WWOX: variants seen among roughly 807,000 people sequenced by gnomAD.
WWOX encodes the protein WW domain containing oxidoreductase.
Under a neutral mutation model 46.2 loss-of-function variants are expected in WWOX, and 69 were observed. The observed-to-expected ratio is 1.49, with a 90% confidence interval of 1.23 to 1.82. The LOEUF is 1.82. WWOX is among the 40% of genes most tolerant of loss of function. The probability of loss-of-function intolerance (pLI) is 0.00; values close to 1 mark genes in which losing one functional copy is unlikely to be tolerated. For missense variants in WWOX, 919 were observed against 542.6 expected (o/e 1.69, Z -6.89); for synonymous variants, 359 against 202.6 (o/e 1.77, Z -6.56).
chr16:78,436,045 G>A (rs1473553739), intron 8 of WWOX, among the ~76,000 whole-genome samples: 2 of 152,150 alleles, frequency 1.3e-5, no homozygotes, highest in African/African-American at 2.4e-5. Flanking sequence ...AACACCACGT[G>A]TGCCAAGTGG....
chr16:78,819,655 A>C (rs1465080354), intron 8 of WWOX, among the ~76,000 whole-genome samples: 1 of 152,174 alleles, frequency 6.6e-6, no homozygotes, highest in Non-Finnish European at 1.5e-5. Flanking sequence ...AAAGTTGCTA[A>C]CACCACCACC....
intron 8 of WWOX, among the ~76,000 whole-genome samples, chr16:78,943,467 A>C (rs1238415301): frequency 2.0e-5 from 3 of 152,198 alleles, no homozygotes; most frequent in Admixed American, 6.5e-5. Context: ...GGACCCAGGC[A>C]CATAAACTTG....
At chr16:78,853,847 C>T (rs934625410) in intron 8 of WWOX, among the ~76,000 whole-genome samples, 3 of 152,118 alleles carry the variant, frequency 2.0e-5, no homozygotes, top group Non-Finnish European at 4.4e-5. Flanking sequence ...AGCAATAGAT[C>T]TTCAGGTAAA....
At chr16:78,494,847 A>T (rs1480279488) in intron 8 of WWOX, among the ~76,000 whole-genome samples, 1 of 152,192 alleles carries the variant, frequency 6.6e-6, no homozygotes, top group African/African-American at 2.4e-5. Context: ...TCAATTGAGT[A>T]AGAGGCTGAT....
chr16:78,666,473 A>G (rs1224931961), intron 8 of WWOX, among the ~76,000 whole-genome samples: 1 of 152,158 alleles, frequency 6.6e-6, no homozygotes, highest in African/African-American at 2.4e-5. Flanking sequence ...CAAAGTTTGA[A>G]TATTGTAATT....
At chr16:79,032,547 C>A (rs1006218415) in intron 8 of WWOX, among the ~76,000 whole-genome samples, 37 of 147,782 alleles carry the variant, frequency 2.5e-4, no homozygotes, top group Non-Finnish European at 4.5e-4. Flanking sequence ...ATATATTATA[C>A]ATGTAATATA....
Position 78,919,387 on chromosome 16 carries a change from T to C in WWOX, c.1057-292221T>C, listed in dbSNP as rs529179304. Among the ~76,000 whole-genome samples, 82 of 152,212 alleles carry C rather than the reference T, an allele frequency of 5.4e-4. No homozygotes were observed. The South Asian group carries it at 0.014, about 26-fold the overall frequency. The stretch of plus-strand genomic sequence containing the variant: ...CAGGCAGTTGAGTCTAGAATTGTCT[T>C]TGTGTATTTTGCTCCATGGTCTAGC... On this transcript the variant is annotated intron_variant, in intron 8 of 8. Coordinates refer to ENST00000566780, the MANE Select transcript of WWOX (RefSeq NM_016373.4).
chr16:78,416,223 A>G (rs959553682), intron 6 of WWOX, among the ~76,000 whole-genome samples: 11 of 152,236 alleles, frequency 7.2e-5, no homozygotes, highest in African/African-American at 2.7e-4. Flanking sequence ...CATAGTCTGT[A>G]AATATTCATC....
chr16:78,181,392 A>C (rs1278162275), intron 5 of WWOX, among the ~76,000 whole-genome samples: 1 of 152,220 alleles, frequency 6.6e-6, no homozygotes, highest in African/African-American at 2.4e-5. Flanking sequence ...ATCAGAAAGA[A>C]ATTGTCTAAC....
intron 8 of WWOX, among the ~76,000 whole-genome samples, chr16:78,775,369 G>A (rs1241691904): frequency 1.3e-5 from 2 of 152,040 alleles, no homozygotes; most frequent in Non-Finnish European, 2.9e-5. Context: ...GTAGTTTTTG[G>A]GCAACTTTTC....
chr16:78,635,341 T>G (rs896082239), intron 8 of WWOX, among the ~76,000 whole-genome samples: 21 of 152,120 alleles, frequency 1.4e-4, no homozygotes, highest in African/African-American at 4.8e-4. Flanking sequence ...CAGGTGGACT[T>G]GGATCTAGGC....
At chr16:78,322,785 T>A (rs2080515350) in intron 5 of WWOX, among the ~76,000 whole-genome samples, 1 of 152,224 alleles carries the variant, frequency 6.6e-6, no homozygotes. Context: ...TTCCACTTTG[T>A]CACCACAGCA....
intron 8 of WWOX, among the ~76,000 whole-genome samples, chr16:79,147,735 C>A (rs2050207198): frequency 6.6e-6 from 1 of 152,130 alleles, no homozygotes; most frequent in South Asian, 2.1e-4. Flanking sequence ...TATATCTTCA[C>A]CAGCATTTGG....
At chr16:78,876,181 C>T (rs111464596) in intron 8 of WWOX, among the ~76,000 whole-genome samples, 2,090 of 151,056 alleles carry the variant, frequency 0.014, 26 homozygotes, top group Non-Finnish European at 0.02. Context: ...GTTTTAACAA[C>T]GGAAAACACT....
At chr16:78,892,565 C>T (rs1238646261) in intron 8 of WWOX, among the ~76,000 whole-genome samples, 1 of 152,184 alleles carries the variant, frequency 6.6e-6, no homozygotes, top group South Asian at 2.1e-4. Flanking sequence ...CGTTCTTCCT[C>T]CACATTTTAT....
chr16:78,876,707 C>G (rs2044241361), intron 8 of WWOX, among the ~76,000 whole-genome samples: 3 of 152,218 alleles, frequency 2.0e-5, no homozygotes, highest in South Asian at 4.1e-4. Context: ...AGGGTACCCT[C>G]AGGTTATTTA....
intron 8 of WWOX, among the ~76,000 whole-genome samples, chr16:78,921,143 T>TA (rs907614560): frequency 2.0e-5 from 3 of 152,070 alleles, no homozygotes; most frequent in African/African-American, 7.2e-5. Context: ...TGGCGCTCTT[T>TA]AAAAAAACAT....
intron 8 of WWOX, among the ~76,000 whole-genome samples, chr16:79,010,030 T>C (rs1044762211): frequency 2.4e-4 from 37 of 152,152 alleles, no homozygotes; most frequent in Non-Finnish European, 1.0e-4. Flanking sequence ...GGGTCTTGAG[T>C]ATGCCTAGAA....
At chr16:78,743,738 T>C (rs147401533) in intron 8 of WWOX, among the ~76,000 whole-genome samples, 1 of 152,172 alleles carries the variant, frequency 6.6e-6, no homozygotes, top group African/African-American at 2.4e-5. Flanking sequence ...CACCCTCTGA[T>C]TGGTTGCTTT....
Sources: allele counts gnomAD v4.1 joint callset (sites outside exome capture counted in the v4.1 genomes callset), GRCh38; gene constraint gnomAD v4.1.1; transcripts MANE v1.5; gene names NCBI Gene and HGNC (gene_info 2026-07-23, HGNC 2026-07-21).